AGBL1: variants seen among roughly 807,000 people sequenced by gnomAD.
AGBL1 encodes the protein AGBL carboxypeptidase 1.
Under a neutral mutation model 118.9 loss-of-function variants are expected in AGBL1, and 130 were observed. The observed-to-expected ratio is 1.09, with a 90% CI of 0.95 to 1.26. The LOEUF (loss-of-function observed/expected upper bound fraction) is 1.26, where lower values mean the gene tolerates loss of function less well. AGBL1 is among the 50% of genes most tolerant of loss of function. AGBL1 has a pLI of 0.00. For synonymous variants in AGBL1, 555 were observed against 478.9 expected, an observed-to-expected ratio of 1.16 and a Z score of -2.08; for missense variants, 1,584 against 1,298.1, an observed-to-expected ratio of 1.22 and a Z score of -3.38.
intron 5 of AGBL1, among the ~76,000 whole-genome samples, chr15:86,168,679 A>C (rs1211495744): frequency 6.6e-6 from 1 of 152,232 alleles, no homozygotes; most frequent in Non-Finnish European, 1.5e-5. Context: ...GCTTATGATA[A>C]AATATTGACT....
chr15:86,386,654 A>G (rs969653970), intron 17 of AGBL1, among the ~76,000 whole-genome samples: 6 of 151,976 alleles, frequency 3.9e-5, no homozygotes, highest in African/African-American at 1.4e-4. Flanking sequence ...CTTCTTTTCT[A>G]AAATGATGAT....
At chr15:86,594,113 T>A in intron 21 of AGBL1, among the ~76,000 whole-genome samples, 1 of 151,942 alleles carries the variant, frequency 6.6e-6, no homozygotes, top group Non-Finnish European at 1.5e-5. Flanking sequence ...TTAATAGAGA[T>A]GAAGTCTTAC....
At chr15:86,858,610 A>C (rs2079518883) in intron 22 of AGBL1, among the ~76,000 whole-genome samples, 1 of 152,216 alleles carries the variant, frequency 6.6e-6, no homozygotes, top group Non-Finnish European at 1.5e-5. Flanking sequence ...GCACTGAGAC[A>C]TAAATGTAAG....
intron 22 of AGBL1, among the ~76,000 whole-genome samples, chr15:86,699,240 A>AT (rs1199941961): frequency 6.6e-6 from 1 of 151,996 alleles, no homozygotes; most frequent in Non-Finnish European, 1.5e-5. Context: ...ATACCCAGTC[A>AT]TTTTTTTCCA....
rs369790993 is a variant in AGBL1, at chr15:86,674,414, G to A, written c.3136G>A (p.Ala1046Thr). ...AATLLSAEED[A>T]LDQHLQRCSS... Reference sequence around the variant, plus strand: ...AACTCTGCTGAGTGCTGAGGAGGACGCTCTGGACCAGCACCTCCAACGGTA... The same window carrying A: ...AACTCTGCTGAGTGCTGAGGAGGACACTCTGGACCAGCACCTCCAACGGTA... Residue 1046 changes from alanine to threonine, a missense_variant, in exon 22 of 23, where the codon GCT becomes ACT. Transcript: ENST00000614907. 3.0e-5 allele frequency: 48 copies of A among 1,609,426 alleles called. No homozygotes were observed. Among genetic ancestry groups the A allele is most frequent in the Admixed American group, 1.0e-4 (6 of 59,900 alleles).
chr15:86,563,829 T>C (rs2083869880), intron 21 of AGBL1, among the ~76,000 whole-genome samples: 1 of 152,176 alleles, frequency 6.6e-6, no homozygotes, highest in Non-Finnish European at 1.5e-5. Context: ...ATTGGGTGCA[T>C]ATATATTTAG....
chr15:86,906,640 A>C (rs903937688), intron 22 of AGBL1, among the ~76,000 whole-genome samples: 1 of 152,218 alleles, frequency 6.6e-6, no homozygotes, highest in Non-Finnish European at 1.5e-5. Context: ...AGAAAATGAC[A>C]TGGCATTCTC....
intron 23 of AGBL1, among the ~76,000 whole-genome samples, chr15:86,976,614 AAAAGG>A (rs1344564392): frequency 6.6e-6 from 1 of 152,000 alleles, no homozygotes; most frequent in Non-Finnish European, 1.5e-5. Context: ...AATTGTCTTT[AAAAGG>A]AAAGTAATTC....
intron 22 of AGBL1, among the ~76,000 whole-genome samples, chr15:86,789,423 A>C (rs907462959): frequency 3.9e-5 from 6 of 152,160 alleles, no homozygotes; most frequent in Admixed American, 6.5e-5. Context: ...AGTTGCTGCC[A>C]GGTTGTTTAA....
intron 23 of AGBL1, among the ~76,000 whole-genome samples, chr15:86,949,692 A>G (rs2080859029): frequency 6.6e-6 from 1 of 152,156 alleles, no homozygotes; most frequent in African/African-American, 2.4e-5. Context: ...TCTCCATTCT[A>G]GAACCTGGAA....
intron 1 of AGBL1, among the ~76,000 whole-genome samples, chr15:86,102,223 T>G (rs887660964): frequency 3.0e-4 from 45 of 152,088 alleles, no homozygotes; most frequent in African/African-American, 9.9e-4. Flanking sequence ...GCATTTTTAG[T>G]AGCGATGGGG....
intron 7 of AGBL1, among the ~76,000 whole-genome samples, chr15:86,253,716 T>G (rs1026968960): frequency 3.9e-5 from 6 of 152,230 alleles, no homozygotes; most frequent in Non-Finnish European, 8.8e-5. Flanking sequence ...TTCATTTTTT[T>G]ATTTTTGAAA....
intron 18 of AGBL1, among the ~76,000 whole-genome samples, chr15:86,509,945 CA>C (rs2083032954): frequency 1.1e-5 from 1 of 89,764 alleles, no homozygotes; most frequent in African/African-American, 4.6e-5. Flanking sequence ...GGCTGAAGCT[CA>C]TTTTTTTTTT....
rs8025594 is a variant in AGBL1, at chr15:86,986,883, T to A, written c.3222-1104T>A. ...TTATTTCACCTGGGTTCAGGCGGGC[T>A]GAGTCTGAAAAGAGAGTCAGCCAAA... On this transcript the variant is annotated intron_variant, in intron 23 of 24. Coordinates refer to the AGBL1 transcript ENST00000441037. 2.9e-3 allele frequency among the ~76,000 whole-genome samples: 449 copies of A among 152,208 alleles called. 3 individuals carry two copies. The highest frequency in any genetic ancestry group is 0.01 in the African/African-American group (418 of 41,530).
intron 7 of AGBL1, among the ~76,000 whole-genome samples, chr15:86,250,998 G>T (rs2078806551): frequency 6.6e-6 from 1 of 152,206 alleles, no homozygotes; most frequent in Non-Finnish European, 1.5e-5. Context: ...AGCAGCAGAG[G>T]GAGGAGGAGG....
At chr15:87,018,848 A>C in intron 24 of AGBL1, among the ~76,000 whole-genome samples, 1 of 152,158 alleles carries the variant, frequency 6.6e-6, no homozygotes, top group East Asian at 1.9e-4. Flanking sequence ...ATGAGTGAAG[A>C]AGACCCATTG....
At chr15:86,520,004 T>G (rs906238513) in intron 18 of AGBL1, among the ~76,000 whole-genome samples, 6 of 152,220 alleles carry the variant, frequency 3.9e-5, no homozygotes, top group African/African-American at 1.2e-4. Flanking sequence ...GCCTCTACCC[T>G]TAGGTGTGTC....
At chr15:86,483,835 A>G (rs1285872130) in intron 18 of AGBL1, among the ~76,000 whole-genome samples, 1 of 152,160 alleles carries the variant, frequency 6.6e-6, no homozygotes, top group African/African-American at 2.4e-5. Flanking sequence ...TTGCTTACCA[A>G]TGCAGATGCA....
In AGBL1 at chr15:86,573,537, G is replaced by A. The variant is rs186496107; in HGVS notation, c.2994+19000G>A. ...AAGATAATTCTTTGAAAGTAGGGCA[G>A]GGTCAGGAAGTCCTTGATTTTTCTT... On this transcript the variant is annotated intron_variant, in intron 21 of 22. Transcript: ENST00000614907. Among the ~76,000 whole-genome samples, 56 of 152,314 alleles carry A rather than the reference G, an allele frequency of 3.7e-4. 1 individual carries two copies. The highest frequency in any genetic ancestry group is 7.5e-4 in the Non-Finnish European group (51 of 68,020).
Sources: allele counts gnomAD v4.1 joint callset (sites outside exome capture counted in the v4.1 genomes callset), GRCh38; gene constraint gnomAD v4.1.1; transcripts MANE v1.5; gene names NCBI Gene and HGNC (gene_info 2026-07-23, HGNC 2026-07-21).